The following WIPF2 variants were observed in gnomAD, a reference collection of about 807,000 sequenced individuals.
WIPF2 encodes WAS/WASL interacting protein family member 2.
In WIPF2, 23 loss-of-function variants were observed where a neutral mutation model predicts 38.8. The observed-to-expected ratio is 0.59, with a 90% confidence interval of 0.43 to 0.84. The LOEUF is 0.84. WIPF2 is among the 40% of genes least tolerant of loss of function. The pLI is 0.00. For synonymous variants in WIPF2, 210 were observed against 223.2 expected (o/e 0.94, Z 0.53); for missense variants, 574 against 580.5 (o/e 0.99, Z 0.11).
At chr17:40,251,921 C>T (rs1050085568) in intron 1 of WIPF2, among the ~76,000 whole-genome samples, 28 of 152,156 alleles carry the variant, frequency 1.8e-4, no homozygotes, top group African/African-American at 6.8e-4. Context: ...TAAAGTCAGT[C>T]ACTTGATATA....
At chr17:40,276,344 A>G (rs1479104613) in intron 6 of WIPF2, among the ~76,000 whole-genome samples, 2 of 151,830 alleles carry the variant, frequency 1.3e-5, no homozygotes, top group Non-Finnish European at 2.9e-5. Flanking sequence ...CCTGGCCAAC[A>G]TGGTGAAACC....
In WIPF2 at chr17:40,264,564, G is replaced by A. The variant is rs777928155; in HGVS notation, c.388G>A (p.Ala130Thr). The A allele has an allele frequency of 6.8e-6, 11 of 1,613,920 alleles. No homozygotes were observed. Among genetic ancestry groups the A allele is most frequent in the African/African-American group, 5.3e-5 (4 of 74,842 alleles). The change falls in exon 5 of 8, where the codon GCC becomes ACC. Residue 130 changes from alanine to threonine, a missense_variant. Coordinates refer to ENST00000323571, the MANE Select transcript of WIPF2 (RefSeq NM_133264.5). ...TGCCCCAAGGCCTCCAGTATCTGCC[G>A]CCAGCGGGCGTCCTCAGGATGATAC... is the stretch of plus-strand genomic sequence containing the variant. ...AAAPRPPVSA[A>T]SGRPQDDTDS... is the part of the protein sequence containing the mutation.
At chr17:40,220,628 TA>T (rs2030185031) in intron 1 of WIPF2, 1 of 125,572 alleles carries the variant, frequency 8.0e-6, no homozygotes, top group Non-Finnish European at 1.6e-5. Context: ...TGTATATATA[TA>T]TATTTTTTTG....
At chr17:40,259,676 T>TA (rs1470340876) in intron 2 of WIPF2, among the ~76,000 whole-genome samples, 1 of 152,194 alleles carries the variant, frequency 6.6e-6, no homozygotes, top group Non-Finnish European at 1.5e-5. Flanking sequence ...TGAGATAGGA[T>TA]ATGAGTTTTT....
In WIPF2 at chr17:40,278,292, A is replaced by G. The variant is rs2032469854; in HGVS notation, c.*67A>G. The G allele has an allele frequency of 2.5e-6, 4 of 1,574,068 alleles. No homozygotes were observed. Among genetic ancestry groups the G allele is most frequent in the South Asian group, 1.1e-5 (1 of 87,832 alleles). On this transcript the variant is annotated 3_prime_UTR_variant, in exon 8 of 8. Coordinates refer to ENST00000323571, the MANE Select transcript of WIPF2 (RefSeq NM_133264.5). ...CTCTTCTTCTCAGATGGTCCCTTCC[A>G]TTCCCCTGAAACCTGCATGAGAGCT...
At chr17:40,232,179 A>ATTTTTTTTTTTTTTTTTTTTT (rs752876006) in intron 1 of WIPF2, among the ~76,000 whole-genome samples, 13 of 76,052 alleles carry the variant, frequency 1.7e-4, no homozygotes, top group East Asian at 4.7e-4. Context: ...TGCCTGGCTA[A>ATTTTTTTTTTTTTTTTTTTTT]TTTTTTTTTT....
chr17:40,235,198 T>G (rs1397166638), intron 1 of WIPF2, among the ~76,000 whole-genome samples: 1 of 152,020 alleles, frequency 6.6e-6, no homozygotes, highest in African/African-American at 2.4e-5. Context: ...CCCAGCCCAT[T>G]GTGCAAATCT....
At chr17:40,229,687 G>A (rs2030660490) in intron 1 of WIPF2, among the ~76,000 whole-genome samples, 1 of 152,180 alleles carries the variant, frequency 6.6e-6, no homozygotes, top group Admixed American at 6.6e-5. Context: ...CTCCTAAAGT[G>A]CTGGGATTGT....
chr17:40,274,573 A>G (rs1218323776), intron 6 of WIPF2, among the ~76,000 whole-genome samples: 5 of 147,974 alleles, frequency 3.4e-5, no homozygotes, highest in East Asian at 2.0e-4. Context: ...AAAAAAAAAA[A>G]AAAAAAAAAA....
chr17:40,271,427 C>G (rs1394409681), intron 5 of WIPF2, among the ~76,000 whole-genome samples: 1 of 152,074 alleles, frequency 6.6e-6, no homozygotes, highest in Admixed American at 6.6e-5. Flanking sequence ...TTGCTTGAGC[C>G]CAGGAGTTTG....
intron 2 of WIPF2, among the ~76,000 whole-genome samples, chr17:40,258,102 A>G (rs887792024): frequency 6.6e-6 from 1 of 152,194 alleles, no homozygotes; most frequent in Admixed American, 6.5e-5. Context: ...TGAAGGAGAT[A>G]AAAGCAGAGC....
intron 1 of WIPF2, among the ~76,000 whole-genome samples, chr17:40,238,492 A>G (rs1443027110): frequency 1.3e-5 from 2 of 151,900 alleles, no homozygotes; most frequent in Non-Finnish European, 2.9e-5. Context: ...TTGTAGAGAC[A>G]GGGTTTTACC....
At chr17:40,253,914 C>T (rs534701911) in intron 1 of WIPF2, among the ~76,000 whole-genome samples, 16 of 152,044 alleles carry the variant, frequency 1.1e-4, no homozygotes, top group Non-Finnish European at 2.2e-4. Flanking sequence ...ATTCCCAGAG[C>T]ATTGAGAGAA....
rs1195154215 is a variant in WIPF2 at position 40,278,587 on chromosome 17, TCTC to T, written c.*365_*367del. The T allele has an allele frequency of 3.9e-5, 9 of 228,418 alleles. 1 individual carries two copies. The highest frequency in any genetic ancestry group is 3.3e-4 in the Admixed American group (6 of 18,310). The allele number at this position is 228,418 out of a possible 1,614,324, so 14.1% of individuals were successfully genotyped here. The stretch of plus-strand genomic sequence containing the variant: ...AGGGTGGAGAATGGTACTCCTTCCT[TCTC>T]CTGTCCACTGTGGGGGAAGCTTGGC... On this transcript the variant is annotated 3_prime_UTR_variant, in exon 8 of 8. Coordinates refer to ENST00000323571, the MANE Select transcript of WIPF2 (RefSeq NM_133264.5).
At chr17:40,248,527 C>T (rs1025041614) in intron 1 of WIPF2, among the ~76,000 whole-genome samples, 3 of 152,168 alleles carry the variant, frequency 2.0e-5, no homozygotes, top group Non-Finnish European at 4.4e-5. Context: ...AGGCTGGTCT[C>T]TAAGCACATT....
At position 40,275,698 on chromosome 17, in the gene WIPF2, T is replaced by A. The variant is rs183039042; in HGVS notation, c.1181-1385T>A. Among the ~76,000 whole-genome samples, 336 of 152,256 alleles carry A rather than the reference T, an allele frequency of 2.2e-3. 1 individual carries two copies. The highest frequency in any genetic ancestry group is 7.7e-3 in the African/African-American group (322 of 41,550). On this transcript the variant is annotated intron_variant, in intron 6 of 7. Transcript: ENST00000323571. ...CCCATCCTTCAGCCTTCCAAGTAGC[T>A]GGGACCACAGGTGTGCACCACCATG...
chr17:40,250,217 A>ATTTTTTTT (rs1567716394), intron 1 of WIPF2, among the ~76,000 whole-genome samples: 10 of 80,302 alleles, frequency 1.2e-4, no homozygotes, highest in African/African-American at 4.5e-4. Context: ...GAATTTTATC[A>ATTTTTTTT]TGTTTTTTTT....
At chr17:40,240,289 C>T (rs912545520) in intron 1 of WIPF2, among the ~76,000 whole-genome samples, 1 of 151,434 alleles carries the variant, frequency 6.6e-6, no homozygotes, top group African/African-American at 2.4e-5. Context: ...GGTCTCGAAC[C>T]CTTGAGCTCA....
In WIPF2 at chr17:40,264,569, C is replaced by A. The variant is rs147624680; in HGVS notation, c.393C>A (p.Ser131Arg). The A allele has an allele frequency of 1.9e-6, 3 of 1,614,014 alleles. No homozygotes were observed. The highest frequency in any genetic ancestry group is 2.5e-6 in the Non-Finnish European group (3 of 1,180,040). The change falls in exon 5 of 8, where the codon AGC becomes AGA. Residue 131 changes from serine (S) to arginine (R), a missense_variant. Ser to Arg is a moderately radical substitution (Grantham distance 110). Transcript: ENST00000323571. Reference sequence around the variant, plus strand: ...CAAGGCCTCCAGTATCTGCCGCCAGCGGGCGTCCTCAGGATGATACAGACA... The same window carrying A: ...CAAGGCCTCCAGTATCTGCCGCCAGAGGGCGTCCTCAGGATGATACAGACA... The part of the protein sequence containing the change: ...AAPRPPVSAA[S>R]GRPQDDTDSS...
Sources: allele counts gnomAD v4.1 joint callset (sites outside exome capture counted in the v4.1 genomes callset), GRCh38; gene constraint gnomAD v4.1.1; transcripts MANE v1.5; gene names NCBI Gene and HGNC (gene_info 2026-07-23, HGNC 2026-07-21).